The following SLC16A10 variants were observed in gnomAD, a reference collection of about 807,000 sequenced individuals.
SLC16A10 encodes the protein solute carrier family 16 member 10, also known as monocarboxylate transporter 10.
Under a neutral mutation model 40.0 loss-of-function variants are expected in SLC16A10, and 27 were observed. The observed-to-expected ratio is 0.67, with a 90% CI of 0.50 to 0.93. The LOEUF (loss-of-function observed/expected upper bound fraction) is 0.93. Ranked by LOEUF, SLC16A10 falls within the 40% of genes least tolerant of loss-of-function variation. The pLI is 0.00. For missense variants in SLC16A10, 529 were observed against 658.2 expected, an observed-to-expected ratio of 0.80 and a Z score of 2.15; for synonymous variants, 213 against 249.8, an observed-to-expected ratio of 0.85 and a Z score of 1.39.
In SLC16A10 at chr6:111,222,333, A is replaced by C; in HGVS notation, c.*98A>C. On this transcript the variant is annotated 3_prime_UTR_variant, in exon 6 of 6. Transcript: ENST00000368851. ...TTGCAAATTTCATATTTTTTTAATCACATCCTAGGAATAGCACAATAATTG... is the reference window on the plus strand; with the variant it reads ...TTGCAAATTTCATATTTTTTTAATCCCATCCTAGGAATAGCACAATAATTG... 7.0e-7 allele frequency: 1 copy of C among 1,428,254 alleles called. No individual in the cohort carries two copies. The highest frequency in any genetic ancestry group is 9.2e-7 in the Non-Finnish European group (1 of 1,085,580). The allele number at this position is 1,428,254 out of a possible 1,614,324, so 88.5% of individuals were successfully genotyped here. A position where few individuals can be genotyped will look rare whatever the true frequency, so the allele number is the denominator to read the frequency against.
chr6:111,087,912 G>T lies in SLC16A10; in HGVS notation c.160G>T (p.Ala54Ser). The T allele has an allele frequency of 6.3e-7, 1 of 1,585,178 alleles. No homozygotes were observed. The highest frequency in any genetic ancestry group is 8.6e-7 in the Non-Finnish European group (1 of 1,168,002). Residue 54 changes from alanine to serine, a missense_variant, in exon 1 of 6, where the codon GCG becomes TCG. Transcript: ENST00000368851. ...GGTGGAGGTGGAGCTGGCGGGGCCG[G>T]CGACCGCGGAGCCCCATGAGCCCCC... ...EKVEVELAGP[A>S]TAEPHEPPEP...
At chr6:111,143,335 C>G (rs9320361) in intron 1 of SLC16A10, among the ~76,000 whole-genome samples, 3 of 151,840 alleles carry the variant, frequency 2.0e-5, no homozygotes, top group Non-Finnish European at 4.4e-5. Flanking sequence ...CTCAGCCTCC[C>G]GAAGTGCTGG....
At chr6:111,169,905 C>G (rs538985246) in intron 1 of SLC16A10, among the ~76,000 whole-genome samples, 16 of 107,090 alleles carry the variant, frequency 1.5e-4, no homozygotes, top group South Asian at 3.6e-4. Flanking sequence ...GTTTTGTTTT[C>G]TTTTCTTTTC....
intron 1 of SLC16A10, among the ~76,000 whole-genome samples, chr6:111,154,122 A>G (rs891245576): frequency 1.3e-5 from 2 of 152,244 alleles, no homozygotes; most frequent in Non-Finnish European, 2.9e-5. Flanking sequence ...ATATTGGAGA[A>G]TATTTTCATT....
intron 1 of SLC16A10, among the ~76,000 whole-genome samples, chr6:111,111,962 A>C (rs936115175): frequency 1.3e-5 from 2 of 152,126 alleles, no homozygotes; most frequent in Non-Finnish European, 2.9e-5. Flanking sequence ...ACTGAGTAGA[A>C]TATTTTTGTA....
intron 3 of SLC16A10, among the ~76,000 whole-genome samples, chr6:111,190,425 G>A (rs1018589882): frequency 2.6e-5 from 4 of 152,198 alleles, no homozygotes; most frequent in Admixed American, 2.0e-4. Flanking sequence ...TCTGGAGGAC[G>A]GTAGCCCTCT....
At chr6:111,161,652 T>A (rs1319068834) in intron 1 of SLC16A10, among the ~76,000 whole-genome samples, 3 of 150,986 alleles carry the variant, frequency 2.0e-5, no homozygotes, top group Non-Finnish European at 3.0e-5. Context: ...ATGACTGGAG[T>A]TTAATGGCCT....
At chr6:111,211,290 T>G (rs112212442) in intron 4 of SLC16A10, among the ~76,000 whole-genome samples, 1 of 152,322 alleles carries the variant, frequency 6.6e-6, no homozygotes, top group African/African-American at 2.4e-5. Context: ...CTACCCTAGA[T>G]AGGGCAGACA....
At chr6:111,145,131 C>G (rs1349349584) in intron 1 of SLC16A10, among the ~76,000 whole-genome samples, 2 of 151,362 alleles carry the variant, frequency 1.3e-5, no homozygotes, top group East Asian at 3.9e-4. Flanking sequence ...TGCACCTGGC[C>G]ATCTTAATTT....
At chr6:111,154,779 G>A (rs1359296128) in intron 1 of SLC16A10, among the ~76,000 whole-genome samples, 1 of 152,162 alleles carries the variant, frequency 6.6e-6, no homozygotes, top group East Asian at 1.9e-4. Context: ...GATCACTTGA[G>A]GTCAGGAGTT....
intron 4 of SLC16A10, among the ~76,000 whole-genome samples, chr6:111,211,437 G>T (rs902087530): frequency 1.3e-5 from 2 of 152,140 alleles, no homozygotes; most frequent in African/African-American, 4.8e-5. Flanking sequence ...TTAGTATTGG[G>T]GGTCAAATAT....
chr6:111,131,189 C>T (rs192345955), intron 1 of SLC16A10, among the ~76,000 whole-genome samples: 1 of 152,240 alleles, frequency 6.6e-6, no homozygotes, highest in Non-Finnish European at 1.5e-5. Context: ...GACTTCCACC[C>T]CTCTGGATCC....
intron 3 of SLC16A10, among the ~76,000 whole-genome samples, chr6:111,184,953 A>C (rs1158189797): frequency 6.6e-6 from 1 of 152,172 alleles, no homozygotes; most frequent in Non-Finnish European, 1.5e-5. Flanking sequence ...CTCCATTTAC[A>C]CTGTGGTCAG....
intron 1 of SLC16A10, among the ~76,000 whole-genome samples, chr6:111,142,626 C>G (rs1378659072): frequency 6.6e-6 from 1 of 152,182 alleles, no homozygotes. Context: ...CAAAGATGCT[C>G]CACATCATAG....
intron 1 of SLC16A10, among the ~76,000 whole-genome samples, chr6:111,103,957 C>G (rs1771235918): frequency 6.6e-6 from 1 of 152,120 alleles, no homozygotes; most frequent in Admixed American, 6.5e-5. Context: ...GGTGGGGCTA[C>G]TAAGGCTAGT....
intron 4 of SLC16A10, among the ~76,000 whole-genome samples, chr6:111,217,153 G>A (rs1773438885): frequency 6.6e-6 from 1 of 152,238 alleles, no homozygotes; most frequent in African/African-American, 2.4e-5. Flanking sequence ...ACAGCCTGCT[G>A]CTGCCCCCGT....
In SLC16A10 at chr6:111,230,534, C is replaced by T. The variant is rs1377312042; in HGVS notation, c.*8299C>T. On this transcript the variant is annotated 3_prime_UTR_variant, in exon 6 of 6. Coordinates refer to ENST00000368851, the MANE Select transcript of SLC16A10 (RefSeq NM_018593.5). ...GAAGTTACATTAGGGTGAGATTAAA[C>T]ATCACTCTAATAATAACTTCTGATG... is the stretch of plus-strand genomic sequence containing the variant. 1 of 152,184 alleles carries T rather than the reference C, an allele frequency of 6.6e-6. No homozygotes were observed. The allele number at this position is 152,184 out of a possible 1,614,324, so 9.4% of individuals were successfully genotyped here.
At chr6:111,116,761 T>C (rs1296242534) in intron 1 of SLC16A10, among the ~76,000 whole-genome samples, 4 of 152,148 alleles carry the variant, frequency 2.6e-5, no homozygotes, top group Non-Finnish European at 4.4e-5. Flanking sequence ...GGTGGTAGAA[T>C]TTTGAGTGGA....
Position 111,177,568 on chromosome 6 carries a change from T to G in SLC16A10, c.845T>G (p.Ile282Ser). 1 of 1,612,216 alleles carries G rather than the reference T, an allele frequency of 6.2e-7. No individual in the cohort carries two copies. The highest frequency in any genetic ancestry group is 2.2e-5 in the East Asian group (1 of 44,870). Residue 282 changes from isoleucine to serine, a missense_variant, in exon 3 of 6, where the codon ATT (isoleucine) becomes AGT (serine). By Grantham distance (142) the Ile-to-Ser change is moderately radical. Transcript: ENST00000368851. ...AAAAAGTTCAGTCCTCCAAAAAAAA[T>G]TTTCAATTTTGCCATCTTCAAGGTG... ...SRKKFSPPKKIFNFAIFKVTA... is the reference protein window; with the variant it reads ...SRKKFSPPKKSFNFAIFKVTA...
Sources: gnomAD v4.1 joint callset for allele counts (sites outside exome capture counted in the v4.1 genomes callset) on GRCh38, gnomAD v4.1.1 for gene constraint, MANE v1.5 for transcripts, NCBI Gene and HGNC (gene_info 2026-07-23, HGNC 2026-07-21) for gene names.